Variants in TANGO6 observed in about 807,000 individuals in gnomAD.
TANGO6 encodes the protein transport and Golgi organization protein 6 homolog.
In TANGO6, 90 loss-of-function variants were observed where a neutral mutation model predicts 114.2. The ratio of observed to expected loss-of-function variants is 0.79; its 90% confidence interval spans 0.66 to 0.94. TANGO6 has a LOEUF of 0.94. TANGO6 is among the 40% of genes least tolerant of loss of function. TANGO6 has a pLI of 0.00. For synonymous variants in TANGO6, 477 were observed against 509.8 expected (o/e 0.94, Z 0.87); for missense variants, 1,274 against 1,315.3 (o/e 0.97, Z 0.49).
At position 68,936,810 on chromosome 16, in the gene TANGO6, TA is replaced by T. The variant is rs199619010; in HGVS notation, c.2701+6527del. On this transcript the variant is annotated intron_variant, in intron 14 of 17. Transcript: ENST00000261778. ...AGCCTTCTTTTAAAAGAGAAAAAAATAAAAAAAAAAAACCACCTGGGCTCTG... is the reference window on the plus strand; with the variant it reads ...AGCCTTCTTTTAAAAGAGAAAAAAATAAAAAAAAAAACCACCTGGGCTCTG... 8.8e-3 allele frequency among the ~76,000 whole-genome samples: 1,236 copies of T among 140,902 alleles called. 46 individuals carry two copies. The East Asian group carries it at 0.12, about 14-fold the overall frequency. 92.4% of individuals were successfully genotyped at this position (140,902 alleles called of 152,430 possible). A position where few individuals can be genotyped will look rare whatever the true frequency, so the allele number is the denominator to read the frequency against.
intron 5 of TANGO6, among the ~76,000 whole-genome samples, chr16:68,877,426 C>G (rs1241237455): frequency 6.7e-6 from 1 of 148,818 alleles, no homozygotes; most frequent in Non-Finnish European, 1.5e-5. Context: ...CGAGATTGCA[C>G]CACCGTATTC....
At chr16:68,896,347 G>A (rs999714620) in intron 7 of TANGO6, among the ~76,000 whole-genome samples, 5 of 151,214 alleles carry the variant, frequency 3.3e-5, no homozygotes, top group African/African-American at 7.3e-5. Context: ...TTTTAGAGAC[G>A]GAATCTTGTT....
chr16:68,971,924 C>T (rs975946273), intron 14 of TANGO6, among the ~76,000 whole-genome samples: 12 of 152,100 alleles, frequency 7.9e-5, no homozygotes, highest in East Asian at 1.9e-4. Flanking sequence ...TGAGCCACTG[C>T]GCCCAGCCGA....
In TANGO6 at chr16:68,866,081, G is replaced by C. The variant is rs568835894; in HGVS notation, c.853-998G>C. Among the ~76,000 whole-genome samples, 3 of 152,316 alleles carry C rather than the reference G, an allele frequency of 2.0e-5. No homozygotes were observed. The South Asian group carries it at 6.2e-4, about 32-fold the overall frequency. ...TCTTCCTTGGAAGCTGGATTTGTTT[G>C]TCAGAGCTACATTCAGAGATTGTTT... On this transcript the variant is annotated intron_variant, in intron 3 of 17. Coordinates refer to ENST00000261778, the MANE Select transcript of TANGO6 (RefSeq NM_024562.2).
At chr16:69,079,350 A>G (rs577406661) in intron 17 of TANGO6, among the ~76,000 whole-genome samples, 11 of 151,634 alleles carry the variant, frequency 7.3e-5, no homozygotes, top group African/African-American at 2.6e-4. Context: ...ATAAATAAAT[A>G]AATAAATATA....
intron 14 of TANGO6, among the ~76,000 whole-genome samples, chr16:68,963,091 C>CAAAA (rs567582629): frequency 1.0e-4 from 8 of 76,918 alleles, no homozygotes; most frequent in East Asian, 8.0e-4. Context: ...GACTCCGTCT[C>CAAAA]AAAAAAAAAA....
rs1960508188 is a variant in TANGO6, at chr16:69,084,297, A to G, written c.*636A>G. 2 of 152,462 alleles carry G rather than the reference A, an allele frequency of 1.3e-5. No individual in the cohort carries two copies. The highest frequency in any genetic ancestry group is 4.1e-4 in the South Asian group (2 of 4,828). The allele number at this position is 152,462 out of a possible 1,614,324, so 9.4% of individuals were successfully genotyped here. ...GCTCTGATGCCCAGAAAGGACAATC[A>G]AGCTGGTTGACTCTTCCAGAGAAGA... On this transcript the variant is annotated 3_prime_UTR_variant, in exon 18 of 18. Coordinates refer to ENST00000261778, the MANE Select transcript of TANGO6 (RefSeq NM_024562.2).
chr16:68,976,525 G>A (rs1963767042), intron 15 of TANGO6, among the ~76,000 whole-genome samples: 1 of 152,206 alleles, frequency 6.6e-6, no homozygotes, highest in South Asian at 2.1e-4. Flanking sequence ...TTCTCCATAA[G>A]CCAGCAAGTA....
chr16:68,893,822 G>T (rs1962666448), intron 7 of TANGO6, among the ~76,000 whole-genome samples: 1 of 148,806 alleles, frequency 6.7e-6, no homozygotes. Flanking sequence ...TTCAGAACTT[G>T]AATTCCCATC....
intron 15 of TANGO6, among the ~76,000 whole-genome samples, chr16:68,978,190 A>C (rs1292832811): frequency 6.6e-6 from 1 of 152,180 alleles, no homozygotes; most frequent in African/African-American, 2.4e-5. Flanking sequence ...CATCAACGTA[A>C]CATGTATTTT....
At chr16:68,923,038 G>A (rs1371784159) in intron 12 of TANGO6, among the ~76,000 whole-genome samples, 3 of 134,350 alleles carry the variant, frequency 2.2e-5, no homozygotes, top group African/African-American at 5.6e-5. Context: ...ACCTCCGCCC[G>A]CTGGGTTCAA....
Position 68,885,883 on chromosome 16 carries a change from T to G in TANGO6, c.1377+5253T>G, listed in dbSNP as rs1319723177. Among the ~76,000 whole-genome samples the G allele has an allele frequency of 3.3e-5, 5 of 152,348 alleles. No individual in the cohort carries two copies. In the East Asian group the frequency reaches 9.6e-4, roughly 29 times the overall value. On this transcript the variant is annotated intron_variant, in intron 7 of 17. Coordinates refer to ENST00000261778, the MANE Select transcript of TANGO6 (RefSeq NM_024562.2). ...CTATTAGTTTTTGTGTGAACCTATGTTATCGTTTCTTTTGCCTGTATACCT... is the reference window on the plus strand; with the variant it reads ...CTATTAGTTTTTGTGTGAACCTATGGTATCGTTTCTTTTGCCTGTATACCT...
At chr16:69,004,873 C>T (rs1390653577) in intron 15 of TANGO6, among the ~76,000 whole-genome samples, 1 of 152,188 alleles carries the variant, frequency 6.6e-6, no homozygotes, top group Non-Finnish European at 1.5e-5. Flanking sequence ...TGCATCGAAA[C>T]ATTAAGTCAA....
chr16:68,918,769 T>C (rs532184166), intron 11 of TANGO6, among the ~76,000 whole-genome samples: 24 of 152,304 alleles, frequency 1.6e-4, no homozygotes, highest in African/African-American at 5.8e-4. Context: ...CTTGGGAGCT[T>C]CCCGCTTGCT....
intron 17 of TANGO6, among the ~76,000 whole-genome samples, chr16:69,049,629 A>G (rs1426007170): frequency 1.3e-5 from 2 of 151,720 alleles, no homozygotes; most frequent in African/African-American, 4.8e-5. Context: ...ACGGGATTTC[A>G]CCATGTTGGC....
intron 7 of TANGO6, among the ~76,000 whole-genome samples, chr16:68,884,066 C>G (rs563677231): frequency 6.6e-6 from 1 of 151,994 alleles, no homozygotes; most frequent in Admixed American, 6.6e-5. Context: ...CCCACCACCA[C>G]GCCGAGCTAA....
chr16:68,854,461 C>G (rs570701531), intron 1 of TANGO6, among the ~76,000 whole-genome samples: 176 of 152,084 alleles, frequency 1.2e-3, no homozygotes, highest in African/African-American at 4.1e-3. Flanking sequence ...AGAAAAGAAA[C>G]AAACCAAAAT....
At chr16:69,033,896 C>A in intron 16 of TANGO6, 1 of 173,722 alleles carries the variant, frequency 5.8e-6, no homozygotes. Context: ...GGAGACCTAT[C>A]TCTTCTCCCT....
intron 11 of TANGO6, among the ~76,000 whole-genome samples, chr16:68,918,784 A>T (rs1963048265): frequency 6.6e-6 from 1 of 152,240 alleles, no homozygotes; most frequent in Admixed American, 6.5e-5. Context: ...CTTGCTGAAC[A>T]TGTGGAGATG....
Sources: allele counts gnomAD v4.1 joint callset (sites outside exome capture counted in the v4.1 genomes callset), GRCh38; gene constraint gnomAD v4.1.1; transcripts MANE v1.5; gene names NCBI Gene and HGNC (gene_info 2026-07-23, HGNC 2026-07-21).